The following CACHD1 variants were observed in gnomAD, a reference collection of about 807,000 sequenced individuals.
CACHD1 encodes the protein VWFA and cache domain-containing protein 1.
Under a neutral mutation model 138.7 loss-of-function variants are expected in CACHD1, and 71 were observed. The observed-to-expected ratio is 0.51, with a 90% CI of 0.42 to 0.62. CACHD1 has a LOEUF of 0.62. Ranked by LOEUF, CACHD1 falls within the 20% of genes least tolerant of loss-of-function variation. The pLI is 0.00. For missense variants in CACHD1, 1,389 were observed against 1,625.3 expected (o/e 0.85, Z 2.50); for synonymous variants, 578 against 591.5 (o/e 0.98, Z 0.33).
chr1:64,675,667 C>A lies in CACHD1; in HGVS notation c.2888+106C>A, dbSNP rs552826667. The A allele has an allele frequency of 2.9e-6, 4 of 1,367,368 alleles. No homozygotes were observed. The South Asian group carries it at 5.7e-5, about 19-fold the overall frequency. 84.7% of individuals were successfully genotyped at this position (1,367,368 alleles called of 1,614,324 possible). On this transcript the variant is annotated intron_variant, in intron 20 of 26. Transcript: ENST00000651257. ...ATAAACAGAAAGTGCTGGTGTGTGT[C>A]CTGAAGAAAAGTCACAGTTACAAAG...
chr1:64,566,541 A>G (rs758263389), intron 2 of CACHD1, among the ~76,000 whole-genome samples: 3 of 130,720 alleles, frequency 2.3e-5, no homozygotes, highest in Admixed American at 9.1e-5. Flanking sequence ...GGAAGGGGCT[A>G]GACTCTGTCC....
intron 19 of CACHD1, among the ~76,000 whole-genome samples, 168 bp from the exon 20 acceptor site, chr1:64,675,233 T>C (rs542015764): frequency 6.6e-6 from 1 of 152,320 alleles, no homozygotes; most frequent in East Asian, 1.9e-4. Flanking sequence ...AATTTTTATT[T>C]TCTAAATTTT....
intron 1 of CACHD1, among the ~76,000 whole-genome samples, chr1:64,486,307 A>G (rs1347534543): frequency 1.3e-5 from 2 of 151,934 alleles, no homozygotes; most frequent in Admixed American, 6.6e-5. Flanking sequence ...ATAACCAAAA[A>G]AGTTTTCACA....
intron 1 of CACHD1, among the ~76,000 whole-genome samples, chr1:64,511,732 C>A (rs189147769): frequency 1.3e-5 from 2 of 152,292 alleles, no homozygotes; most frequent in East Asian, 3.9e-4. Context: ...TCCAAGTTTA[C>A]AAAGCAATAA....
At chr1:64,689,336 T>C (rs182916410) in intron 26 of CACHD1, among the ~76,000 whole-genome samples, 33 of 152,304 alleles carry the variant, frequency 2.2e-4, no homozygotes, top group Non-Finnish European at 4.1e-4. Flanking sequence ...TCCTTTCTTA[T>C]CCTTATAACT....
intron 2 of CACHD1, among the ~76,000 whole-genome samples, chr1:64,579,389 AGT>A (rs1646994074): frequency 6.6e-6 from 1 of 152,104 alleles, no homozygotes; most frequent in Non-Finnish European, 1.5e-5. Context: ...TGGAATTAAG[AGT>A]GTGTGTGTGA....
Position 64,521,578 on chromosome 1 carries a change from G to A in CACHD1, c.199-29016G>A, listed in dbSNP as rs141871660. Among the ~76,000 whole-genome samples, 33 of 152,176 alleles carry A rather than the reference G, an allele frequency of 2.2e-4. 1 individual carries two copies. Among genetic ancestry groups the A allele is most frequent in the East Asian group, 1.9e-3 (10 of 5,184 alleles). ...TTATTCATGACAATACTATTCTATT[G>A]TATAGATATACTGTATTTTGTTTAT... On this transcript the variant is annotated intron_variant, in intron 1 of 26. Transcript: ENST00000651257.
intron 1 of CACHD1, among the ~76,000 whole-genome samples, chr1:64,472,896 G>A (rs1646153959): frequency 6.6e-6 from 1 of 150,546 alleles, no homozygotes; most frequent in African/African-American, 2.4e-5. Flanking sequence ...CTAAGGACTT[G>A]CTTTTTCTAA....
intron 1 of CACHD1, among the ~76,000 whole-genome samples, chr1:64,547,170 A>G (rs1369825896): frequency 2.6e-5 from 4 of 152,200 alleles, no homozygotes; most frequent in Non-Finnish European, 5.9e-5. Flanking sequence ...TACCACATAC[A>G]GTTGTTATGA....
At chr1:64,538,560 A>C (rs958494620) in intron 1 of CACHD1, among the ~76,000 whole-genome samples, 2 of 152,186 alleles carry the variant, frequency 1.3e-5, no homozygotes, top group African/African-American at 4.8e-5. Context: ...TTTTTATGTG[A>C]GGGAAACTAA....
intron 2 of CACHD1, among the ~76,000 whole-genome samples, chr1:64,560,146 T>C (rs1396506226): frequency 6.6e-6 from 1 of 152,160 alleles, no homozygotes; most frequent in Admixed American, 6.5e-5. Context: ...ATAGAATGAA[T>C]GGTAAAATAT....
chr1:64,485,281 A>T (rs1221919626), intron 1 of CACHD1, among the ~76,000 whole-genome samples: 1 of 152,194 alleles, frequency 6.6e-6, no homozygotes, highest in Non-Finnish European at 1.5e-5. Flanking sequence ...ATCACCCCCC[A>T]AAATTATCTG....
rs756867368 is a variant in CACHD1, at chr1:64,583,903, A to G, written c.410+1599A>G. On this transcript the variant is annotated intron_variant, in intron 3 of 26. Transcript: ENST00000651257. ...TCTCCCACTGGGTCCTTCCCATGAT[A>G]TGTGGGGATTATGGGAGCTACAATT... 3.3e-5 allele frequency among the ~76,000 whole-genome samples: 5 copies of G among 152,278 alleles called. No homozygotes were observed. In the Middle Eastern group the frequency reaches 0.014, roughly 414 times the overall value.
At chr1:64,533,822 G>A (rs1301329769) in intron 1 of CACHD1, among the ~76,000 whole-genome samples, 2 of 143,720 alleles carry the variant, frequency 1.4e-5, no homozygotes, top group Admixed American at 7.4e-5. Context: ...GCATGATCTC[G>A]GCTCACTGCA....
chr1:64,676,062 C>T (rs1649982243), intron 21 of CACHD1, 79 bp downstream of exon 21: 1 of 569,778 alleles, frequency 1.8e-6, no homozygotes, highest in Non-Finnish European at 2.5e-6. Flanking sequence ...CTGTGAGTCT[C>T]TTATAGATTT....
At chr1:64,677,086 G>A in intron 22 of CACHD1, 75 bp downstream of exon 22, 2 of 1,203,130 alleles carry the variant, frequency 1.7e-6, no homozygotes, top group East Asian at 2.4e-5. Flanking sequence ...TTTTAAAAAG[G>A]TATGTCAGTT....
intron 3 of CACHD1, among the ~76,000 whole-genome samples, chr1:64,592,420 G>A (rs1395052539): frequency 6.6e-6 from 1 of 152,146 alleles, no homozygotes; most frequent in Non-Finnish European, 1.5e-5. Flanking sequence ...GCAGTCTGTG[G>A]CAAATGTCAT....
intron 3 of CACHD1, among the ~76,000 whole-genome samples, chr1:64,594,625 G>A (rs908331344): frequency 3.3e-5 from 5 of 152,156 alleles, no homozygotes; most frequent in South Asian, 2.1e-4. Flanking sequence ...TGCGTTTTTC[G>A]TGTGACCTTC....
chr1:64,526,133 C>T (rs1300969091), intron 1 of CACHD1, among the ~76,000 whole-genome samples: 3 of 152,056 alleles, frequency 2.0e-5, no homozygotes, highest in African/African-American at 2.4e-5. Context: ...CCTCAGAGCC[C>T]GTGTGTTGGT....
Sources: gnomAD v4.1 joint callset for allele counts (sites outside exome capture counted in the v4.1 genomes callset) on GRCh38, gnomAD v4.1.1 for gene constraint, MANE v1.5 for transcripts, NCBI Gene and HGNC (gene_info 2026-07-23, HGNC 2026-07-21) for gene names.